Variants in DST observed in about 807,000 individuals in gnomAD.
The protein encoded by DST is bullous pemphigoid antigen.
In DST, 253 loss-of-function variants were observed where a neutral mutation model predicts 875.2. That is an observed-to-expected ratio of 0.29 (90% CI 0.26 to 0.32). The LOEUF is 0.32. Ranked by LOEUF, DST falls within the 10% of genes least tolerant of loss-of-function variation. The pLI is 1.00. For synonymous variants in DST, 3,124 were observed against 3,197.1 expected (o/e 0.98, Z 0.77); for missense variants, 8,287 against 9,111.6 (o/e 0.91, Z 3.68).
intron 3 of DST, among the ~76,000 whole-genome samples, chr6:56,892,834 C>T (rs2127665850): frequency 6.6e-6 from 1 of 152,246 alleles, no homozygotes; most frequent in Admixed American, 6.5e-5. Context: ...ACGCCAGATG[C>T]CAGGAGATAT....
At chr6:56,585,443 C>T (rs972138695) in intron 49 of DST, among the ~76,000 whole-genome samples, 8 of 151,290 alleles carry the variant, frequency 5.3e-5, no homozygotes, top group African/African-American at 1.7e-4. Context: ...TGGTGATATC[C>T]CCTTTATCAT....
intron 61 of DST, among the ~76,000 whole-genome samples, chr6:56,548,788 T>G (rs2097271461): frequency 6.6e-6 from 1 of 152,242 alleles, no homozygotes; most frequent in Non-Finnish European, 1.5e-5. Flanking sequence ...TTCAGACATG[T>G]TAGTCCAATG....
At chr6:56,761,175 G>A (rs982952193) in intron 4 of DST, among the ~76,000 whole-genome samples, 1 of 152,218 alleles carries the variant, frequency 6.6e-6, no homozygotes, top group South Asian at 2.1e-4. Context: ...GCCAGTGAGT[G>A]AGCCATCTTG....
chr6:56,694,026 T>C (rs2099248275), intron 9 of DST, among the ~76,000 whole-genome samples: 1 of 149,658 alleles, frequency 6.7e-6, no homozygotes, highest in Non-Finnish European at 1.5e-5. Flanking sequence ...CAAAAGGAAA[T>C]ATATGTGCAT....
chr6:56,856,742 G>A (rs1263228853), intron 3 of DST, among the ~76,000 whole-genome samples: 2 of 152,112 alleles, frequency 1.3e-5, no homozygotes, highest in African/African-American at 4.8e-5. Context: ...CATGGAACTG[G>A]GTTGTTTATT....
intron 3 of DST, among the ~76,000 whole-genome samples, chr6:56,875,925 T>A (rs938984413): frequency 6.6e-6 from 1 of 152,178 alleles, no homozygotes; most frequent in African/African-American, 2.4e-5. Flanking sequence ...TAGGTGCCCT[T>A]TGAAACCTTC....
Position 56,714,713 on chromosome 6 carries a change from A to G in DST, c.688-10344T>C, listed in dbSNP as rs1170150968. 3.9e-5 allele frequency among the ~76,000 whole-genome samples: 6 copies of G among 152,300 alleles called. No individual in the cohort carries two copies. In the East Asian group the frequency reaches 1.2e-3, roughly 29 times the overall value. On this transcript the variant is annotated intron_variant, in intron 5 of 103. Transcript: ENST00000680361. The surrounding 1 kb of genome is among the most constrained non-coding windows in gnomAD (Gnocchi z 4.5). ...AACTAGAGCTTCATGTCCATTCCTG[A>G]TGGCTAAGAGAGATTTTGAAACAAA...
intron 5 of DST, among the ~76,000 whole-genome samples, chr6:56,715,923 C>T (rs2099393146): frequency 6.6e-6 from 1 of 152,164 alleles, no homozygotes; most frequent in African/African-American, 2.4e-5. Context: ...GAAGAGGGTA[C>T]ATAAGCCCTA....
intron 4 of DST, among the ~76,000 whole-genome samples, chr6:56,785,292 T>C (rs1327469199): frequency 3.3e-5 from 5 of 152,230 alleles, no homozygotes; most frequent in African/African-American, 1.2e-4. Context: ...GCTGTCTTTT[T>C]GTCTGTGCCC....
chr6:56,842,367 C>T (rs898692941), intron 4 of DST, among the ~76,000 whole-genome samples: 1 of 152,098 alleles, frequency 6.6e-6, no homozygotes, highest in African/African-American at 2.4e-5. Context: ...AAAAAATGGA[C>T]AGCTGCAATT....
intron 99 of DST, among the ~76,000 whole-genome samples, chr6:56,464,979 C>T (rs939063391): frequency 3.3e-5 from 5 of 152,188 alleles, no homozygotes; most frequent in Non-Finnish European, 7.4e-5. Flanking sequence ...TCCTAAGCAA[C>T]CCAACAGAAC....
chr6:56,482,687 C>T lies in DST; in HGVS notation c.21398G>A (p.Arg7133His), dbSNP rs768465129. 41 of 1,612,408 alleles carry T rather than the reference C, an allele frequency of 2.5e-5. No individual in the cohort carries two copies. The highest frequency in any genetic ancestry group is 7.7e-5 in the South Asian group (7 of 90,810). ...TCTCATTTACATGGTTTTTACCTGA[C>T]GCAGGGCTGCTTCTAACCGTGTTTG... ...SKQTRLEAAL[R>H]QAEEFHSVVH... The change falls in exon 89 of 104, where the codon CGT becomes CAT. Residue 7133 changes from arginine (R) to histidine (H), a missense_variant. By Grantham distance (29) the Arg-to-His change is conservative. Around this residue, in one of 10 missense-constraint regions of DST, gnomAD observed 1,292 missense variants for 1,552.7 expected, o/e 0.83. Transcript: ENST00000680361.
chr6:56,898,992 G>A (rs1446615641), intron 3 of DST, among the ~76,000 whole-genome samples: 2 of 152,264 alleles, frequency 1.3e-5, no homozygotes, highest in Admixed American at 6.5e-5. Context: ...GTACATGCTT[G>A]GGTTCTGGAG....
Position 56,620,344 on chromosome 6 carries a change from G to A in DST, c.4929+4186C>T, listed in dbSNP as rs374143007. The A allele has an allele frequency of 2.3e-5, 37 of 1,613,898 alleles. No homozygotes were observed. Among genetic ancestry groups the A allele is most frequent in the African/African-American group, 1.2e-4 (9 of 74,858 alleles). ...GAAAATTCAGGAGGTTCTCTTCCAC[G>A]GCAGCTCTTTTAGCCTCGGCCTCTA... On this transcript the variant is annotated intron_variant, in intron 36 of 103. Transcript: ENST00000680361.
At position 56,597,729 on chromosome 6, in the gene DST, T is replaced by C; in HGVS notation, c.12195+11A>G. On this transcript the variant is annotated intron_variant, in intron 47 of 103. Transcript: ENST00000680361. ...AGAATTGAACGATATCATATGTTTA[T>C]AACAACACACCTTAACTTTCTGATA... The C allele has an allele frequency of 5.0e-6, 8 of 1,609,768 alleles. No individual in the cohort carries two copies. Among genetic ancestry groups the C allele is most frequent in the Non-Finnish European group, 6.8e-6 (8 of 1,177,002 alleles).
chr6:56,737,040 A>T (rs2099527720), intron 4 of DST, among the ~76,000 whole-genome samples: 1 of 152,128 alleles, frequency 6.6e-6, no homozygotes, highest in African/African-American at 2.4e-5. Flanking sequence ...AAAAAAATAC[A>T]AAAATTAGCC....
chr6:56,762,359 GA>G (rs1358457592), intron 4 of DST, among the ~76,000 whole-genome samples: 26 of 152,154 alleles, frequency 1.7e-4, no homozygotes, highest in African/African-American at 6.0e-4. Flanking sequence ...AGGGGCTTTA[GA>G]AATCATCTCA....
At chr6:56,476,552 A>G (rs1488629549) in intron 91 of DST, among the ~76,000 whole-genome samples, 1 of 152,194 alleles carries the variant, frequency 6.6e-6, no homozygotes, top group African/African-American at 2.4e-5. Context: ...GAATTTAAAG[A>G]TGCATGTCAA....
intron 4 of DST, among the ~76,000 whole-genome samples, chr6:56,788,800 C>T (rs1224316874): frequency 6.6e-6 from 1 of 152,132 alleles, no homozygotes; most frequent in Non-Finnish European, 1.5e-5. Flanking sequence ...ATGATTGCTT[C>T]CAACTTTTTG....
Sources: gnomAD v4.1 joint callset for allele counts (sites outside exome capture counted in the v4.1 genomes callset) on GRCh38, gnomAD v4.1.1 for gene constraint, gnomAD v4.1.1 regional missense constraint, Gnocchi (gnomAD v3.1) non-coding constraint, MANE v1.5 for transcripts, NCBI Gene and HGNC (gene_info 2026-07-23, HGNC 2026-07-21) for gene names.